Variants in DYM observed in about 807,000 individuals in gnomAD.
The protein encoded by DYM is dymeclin, also known as dyggve-Melchior-Clausen syndrome protein.
DYM carries 78 observed loss-of-function variants against 93.1 expected under a neutral mutation model. The observed-to-expected ratio is 0.84, with a 90% CI of 0.70 to 1.01. DYM has a LOEUF of 1.01. Among genes scored for constraint, DYM ranks in the 50% least tolerant of loss-of-function variants. DYM has a pLI of 0.00. For missense variants in DYM, 789 were observed against 845.0 expected (o/e 0.93, Z 0.82); for synonymous variants, 321 against 319.7 (o/e 1.00, Z -0.04).
chr18:49,434,475 G>A (rs2080639166), intron 1 of DYM, among the ~76,000 whole-genome samples: 1 of 151,974 alleles, frequency 6.6e-6, no homozygotes, highest in Non-Finnish European at 1.5e-5. Context: ...AGCCAAGACT[G>A]CACCATTGCA....
chr18:49,400,045 A>ATCC, intron 2 of DYM, among the ~76,000 whole-genome samples: 1 of 145,182 alleles, frequency 6.9e-6, no homozygotes, highest in East Asian at 2.0e-4. Context: ...GGCTCAAGCA[A>ATCC]TCCTCCTGCC....
intron 13 of DYM, among the ~76,000 whole-genome samples, chr18:49,242,392 A>C (rs1028494155): frequency 9.9e-5 from 15 of 152,230 alleles, no homozygotes; most frequent in African/African-American, 3.1e-4. Context: ...AGCCTGTGTG[A>C]CAGAGTAAGA....
At chr18:49,339,053 G>GAAAAAAA (rs144426917) in intron 6 of DYM, among the ~76,000 whole-genome samples, 1 of 150,550 alleles carries the variant, frequency 6.6e-6, no homozygotes, top group Non-Finnish European at 1.5e-5. Context: ...AACTCTGCTA[G>GAAAAAAA]AAAAAAAAAA....
At chr18:49,452,554 T>A (rs756678605) in intron 1 of DYM, among the ~76,000 whole-genome samples, 21 of 152,166 alleles carry the variant, frequency 1.4e-4, no homozygotes, top group Non-Finnish European at 2.2e-4. Flanking sequence ...AGAGTGCTGA[T>A]TGGTGCATTT....
intron 8 of DYM, among the ~76,000 whole-genome samples, chr18:49,298,869 G>C (rs1156638377): frequency 6.6e-6 from 1 of 152,132 alleles, no homozygotes; most frequent in African/African-American, 2.4e-5. Context: ...CTTAGATGAC[G>C]CAGGTAGTAT....
intron 15 of DYM, among the ~76,000 whole-genome samples, chr18:49,137,805 G>T (rs1057125230): frequency 1.3e-5 from 2 of 152,218 alleles, no homozygotes; most frequent in Non-Finnish European, 2.9e-5. Flanking sequence ...CAATCACAGA[G>T]ATAGGGAGCA....
intron 14 of DYM, among the ~76,000 whole-genome samples, chr18:49,176,695 G>A (rs1222673254): frequency 6.6e-6 from 1 of 150,700 alleles, no homozygotes; most frequent in Non-Finnish European, 1.5e-5. Context: ...GATTATAGGT[G>A]TGAGCCACTG....
chr18:49,081,029 C>T (rs1232450414), intron 17 of DYM, among the ~76,000 whole-genome samples: 2 of 147,892 alleles, frequency 1.4e-5, no homozygotes, highest in African/African-American at 2.5e-5. Flanking sequence ...ACTGGGCAGC[C>T]AGGCAGAGGG....
chr18:49,075,125 C>T (rs912200060), intron 17 of DYM, among the ~76,000 whole-genome samples: 1 of 152,140 alleles, frequency 6.6e-6, no homozygotes, highest in African/African-American at 2.4e-5. Context: ...AGACGAACAG[C>T]ATAGATTTTA....
At chr18:49,198,071 G>C (rs1473877856) in intron 14 of DYM, among the ~76,000 whole-genome samples, 2 of 151,992 alleles carry the variant, frequency 1.3e-5, no homozygotes, top group African/African-American at 2.4e-5. Flanking sequence ...CTCAGAAATA[G>C]TGCCACACAT....
chr18:49,456,194 A>G (rs1375261771), intron 1 of DYM, among the ~76,000 whole-genome samples: 1 of 152,244 alleles, frequency 6.6e-6, no homozygotes, highest in African/African-American at 2.4e-5. Flanking sequence ...TAGGGTTAAC[A>G]GTGTAAGAAA....
At chr18:49,202,424 G>A (rs1448230019) in intron 14 of DYM, among the ~76,000 whole-genome samples, 1 of 147,434 alleles carries the variant, frequency 6.8e-6, no homozygotes, top group African/African-American at 2.5e-5. Flanking sequence ...CCCCGTCTGG[G>A]AAGTGAGGAG....
chr18:49,339,117 G>C (rs1480307876), intron 6 of DYM, among the ~76,000 whole-genome samples: 1 of 152,142 alleles, frequency 6.6e-6, no homozygotes, highest in South Asian at 2.1e-4. Context: ...CTATGCCCTA[G>C]AGAATGTAAT....
intron 17 of DYM, among the ~76,000 whole-genome samples, chr18:49,068,497 T>C (rs1485281680): frequency 6.6e-6 from 1 of 152,202 alleles, no homozygotes; most frequent in Non-Finnish European, 1.5e-5. Flanking sequence ...AGTTTGATGC[T>C]GCTCCTTAGA....
chr18:49,247,817 T>C (rs1752640990), intron 13 of DYM, among the ~76,000 whole-genome samples: 1 of 152,186 alleles, frequency 6.6e-6, no homozygotes, highest in Admixed American at 6.5e-5. Flanking sequence ...AACTTATAAA[T>C]TTTCAGAGAG....
intron 15 of DYM, among the ~76,000 whole-genome samples, chr18:49,138,058 T>C (rs1246336908): frequency 1.3e-5 from 2 of 152,174 alleles, no homozygotes; most frequent in South Asian, 2.1e-4. Context: ...CTTAATAAAA[T>C]TGCCTCATCA....
At chr18:49,139,157 T>C (rs1023504306) in intron 15 of DYM, among the ~76,000 whole-genome samples, 3 of 152,262 alleles carry the variant, frequency 2.0e-5, no homozygotes, top group Middle Eastern at 3.4e-3. Context: ...CCTAAACTTT[T>C]GTTGTAATTT....
intron 6 of DYM, among the ~76,000 whole-genome samples, chr18:49,352,756 C>G (rs2065219315): frequency 6.6e-6 from 1 of 152,106 alleles, no homozygotes; most frequent in African/African-American, 2.4e-5. Context: ...GTAGTTGAAG[C>G]TGACTCTTAA....
At chr18:49,132,191 C>T (rs1030659286) in intron 15 of DYM, among the ~76,000 whole-genome samples, 1 of 151,906 alleles carries the variant, frequency 6.6e-6, no homozygotes, top group African/African-American at 2.4e-5. Context: ...GGAGTAAAAT[C>T]TCAAGATTTA....
Sources: allele counts gnomAD v4.1 joint callset (sites outside exome capture counted in the v4.1 genomes callset), GRCh38; gene constraint gnomAD v4.1.1; transcripts MANE v1.5; gene names NCBI Gene and HGNC (gene_info 2026-07-23, HGNC 2026-07-21).